SEC61A2: variants seen among roughly 807,000 people sequenced by gnomAD.
The protein encoded by SEC61A2 is protein transport protein Sec61 subunit alpha isoform 2.
In SEC61A2, 28 loss-of-function variants were observed where a neutral mutation model predicts 59.9. The ratio of observed to expected loss-of-function variants is 0.47; its 90% confidence interval spans 0.35 to 0.64. The LOEUF is 0.64. Among genes scored for constraint, SEC61A2 ranks in the 30% least tolerant of loss-of-function variants. The pLI, the probability that SEC61A2 is intolerant of heterozygous loss-of-function variation, is 0.01. For synonymous variants in SEC61A2, 202 were observed against 214.4 expected, an observed-to-expected ratio of 0.94 and a Z score of 0.50; for missense variants, 340 against 585.9, an observed-to-expected ratio of 0.58 and a Z score of 4.33.
intron 2 of SEC61A2, among the ~76,000 whole-genome samples, chr10:12,134,428 A>G (rs1232167686): frequency 6.6e-6 from 1 of 152,202 alleles, no homozygotes; most frequent in African/African-American, 2.4e-5. Flanking sequence ...CAGCAGGCCC[A>G]CCTTCGCACA....
intron 3 of SEC61A2, among the ~76,000 whole-genome samples, chr10:12,137,242 A>G (rs917920808): frequency 6.6e-6 from 1 of 152,194 alleles, no homozygotes; most frequent in Non-Finnish European, 1.5e-5. Context: ...GGGTCAAGCT[A>G]AAACCAAATT....
At chr10:12,135,538 G>A (rs993987901) in intron 2 of SEC61A2, among the ~76,000 whole-genome samples, 1 of 152,098 alleles carries the variant, frequency 6.6e-6, no homozygotes, top group African/African-American at 2.4e-5. Flanking sequence ...TGAAGTCTGG[G>A]CTTTGAGTGT....
In SEC61A2 at chr10:12,158,478, C is replaced by T. The variant is rs186063815; in HGVS notation, c.975+373C>T. ...GGGTGCGGTGGCTCACTCCTGTAAT[C>T]CCAGGACTTTGGGAGGCTGAGGTGG... On this transcript the variant is annotated intron_variant, in intron 9 of 11. Transcript: ENST00000298428. This position sits in a 1 kb window ranked among gnomAD's most constrained non-coding sequence, Gnocchi z 5.7. Among the ~76,000 whole-genome samples, 112 of 152,244 alleles carry T rather than the reference C, an allele frequency of 7.4e-4. No individual in the cohort carries two copies. Among genetic ancestry groups the T allele is most frequent in the African/African-American group, 2.6e-3 (109 of 41,536 alleles).
In SEC61A2 at chr10:12,155,166, A is replaced by G. The variant is rs1410297945; in HGVS notation, c.463-612A>G. On this transcript the variant is annotated intron_variant, in intron 6 of 11. Coordinates refer to ENST00000298428, the MANE Select transcript of SEC61A2 (RefSeq NM_018144.4). This position sits in a 1 kb window ranked among gnomAD's most constrained non-coding sequence, Gnocchi z 4.3. ...CTTAACCGTCTTCAAATTTACATTC[A>G]ATCTTTGTCACTATGTGTATAGAAT... The G allele has an allele frequency of 6.9e-6, 3 of 436,206 alleles. No individual in the cohort carries two copies. Among genetic ancestry groups the G allele is most frequent in the Non-Finnish European group, 1.1e-5 (3 of 267,794 alleles). 27.0% of individuals were successfully genotyped at this position (436,206 alleles called of 1,614,324 possible).
At chr10:12,131,530 A>C (rs1833736839) in intron 1 of SEC61A2, among the ~76,000 whole-genome samples, 1 of 152,082 alleles carries the variant, frequency 6.6e-6, no homozygotes, top group African/African-American at 2.4e-5. Flanking sequence ...TATATGTTAT[A>C]AGAGTAGTCT....
At chr10:12,144,717 A>G (rs889383699) in intron 4 of SEC61A2, among the ~76,000 whole-genome samples, 16 of 152,168 alleles carry the variant, frequency 1.1e-4, no homozygotes, top group African/African-American at 3.6e-4. Flanking sequence ...GAGCCAGTGC[A>G]AAGGCCCTGA....
intron 2 of SEC61A2, among the ~76,000 whole-genome samples, chr10:12,133,850 G>GTT (rs1215133482): frequency 6.6e-6 from 1 of 152,188 alleles, no homozygotes; most frequent in East Asian, 1.9e-4. Flanking sequence ...AACTTTCAGA[G>GTT]TTCAGGTATT....
At chr10:12,166,265 A>C (rs1315948682), downstream of SEC61A2, 1 of 153,358 alleles carries the variant, frequency 6.5e-6, no homozygotes, top group African/African-American at 2.4e-5. Flanking sequence ...CTTGATTTCA[A>C]TGATTGATAG....
In SEC61A2 at chr10:12,154,543, G is replaced by A. The variant is rs1474393642; in HGVS notation, c.463-1235G>A. 6.6e-6 allele frequency among the ~76,000 whole-genome samples: 1 copy of A among 152,210 alleles called. No individual in the cohort carries two copies. The highest frequency in any genetic ancestry group is 1.5e-5 in the Non-Finnish European group (1 of 68,040). On this transcript the variant is annotated intron_variant, in intron 6 of 11. Coordinates refer to ENST00000298428, the MANE Select transcript of SEC61A2 (RefSeq NM_018144.4). The surrounding 1 kb of genome is among the most constrained non-coding windows in gnomAD (Gnocchi z 5.2). ...TGATTGTGGTTAAATAGAATCGGTA[G>A]TAAGTCCTAACCTCTACATTATTTT...
intron 1 of SEC61A2, among the ~76,000 whole-genome samples, chr10:12,132,868 C>T (rs987442304): frequency 6.6e-6 from 1 of 152,130 alleles, no homozygotes; most frequent in Non-Finnish European, 1.5e-5. Flanking sequence ...TTTGAACAGC[C>T]CCCTTTTTGT....
At chr10:12,166,865 T>C, downstream of SEC61A2, 1 of 414,732 alleles carries the variant, frequency 2.4e-6, no homozygotes, top group South Asian at 1.8e-5. Flanking sequence ...TCTGTACTTC[T>C]TGCTGTGAAC....
In SEC61A2 at chr10:12,143,075, T is replaced by C. The variant is rs1445855069; in HGVS notation, c.142-42T>C. 1 of 1,479,806 alleles carries C rather than the reference T, an allele frequency of 6.8e-7. No homozygotes were observed. The highest frequency in any genetic ancestry group is 1.1e-5 in the South Asian group (1 of 88,328). The allele number at this position is 1,479,806 out of a possible 1,614,324, so 91.7% of individuals were successfully genotyped here. On this transcript the variant is annotated intron_variant, in intron 3 of 11. Coordinates refer to ENST00000298428, the MANE Select transcript of SEC61A2 (RefSeq NM_018144.4). This position sits in a 1 kb window ranked among gnomAD's most constrained non-coding sequence, Gnocchi z 4.8. ...TCAAGCGATTCTTATGCCTCAGCCTTATATAATACAGTTTCATAAACTATT... is the reference window on the plus strand; with the variant it reads ...TCAAGCGATTCTTATGCCTCAGCCTCATATAATACAGTTTCATAAACTATT...
At chr10:12,157,815 A>G in intron 8 of SEC61A2, 93 bp from the exon 9 acceptor site, 2 of 1,203,764 alleles carry the variant, frequency 1.7e-6, no homozygotes, top group Non-Finnish European at 2.4e-6. Flanking sequence ...TTGTCTTTTC[A>G]TCCCCCGCAC....
At chr10:12,169,906 T>G (rs554785750), downstream of SEC61A2, 8 of 481,168 alleles carry the variant, frequency 1.7e-5, no homozygotes, top group African/African-American at 1.6e-4. The surrounding 1 kb of genome is among the most constrained non-coding windows in gnomAD (Gnocchi z 4.8). Flanking sequence ...AGTAGAAAAA[T>G]CAGTTATCAA....
chr10:12,140,417 C>T (rs1434059151), intron 3 of SEC61A2, among the ~76,000 whole-genome samples: 1 of 152,166 alleles, frequency 6.6e-6, no homozygotes, highest in Non-Finnish European at 1.5e-5. Context: ...TGTTGTTGTA[C>T]ATGATCCTCT....
rs749521771 is a variant in SEC61A2 at position 12,153,819 on chromosome 10, G to A, written c.463-1959G>A. 4 of 1,595,828 alleles carry A rather than the reference G, an allele frequency of 2.5e-6. No individual in the cohort carries two copies. The highest frequency in any genetic ancestry group is 3.4e-6 in the Non-Finnish European group (4 of 1,172,564). ...TGTTTCACCCAGAAACATAGGTTTT[G>A]AAAACTGTTTGCATGCCGTTGTGGA... On this transcript the variant is annotated intron_variant, in intron 6 of 11. Coordinates refer to ENST00000298428, the MANE Select transcript of SEC61A2 (RefSeq NM_018144.4). The surrounding 1 kb of genome is among the most constrained non-coding windows in gnomAD (Gnocchi z 5.2).
intron 6 of SEC61A2, among the ~76,000 whole-genome samples, chr10:12,151,471 C>G (rs937831920): frequency 6.6e-6 from 1 of 150,504 alleles, no homozygotes; most frequent in Non-Finnish European, 1.5e-5. Context: ...GCCACCATGC[C>G]TACCTAATTT....
intron 4 of SEC61A2, among the ~76,000 whole-genome samples, chr10:12,146,603 C>T (rs1363816301): frequency 3.3e-5 from 5 of 151,816 alleles, no homozygotes; most frequent in South Asian, 2.1e-4. Context: ...CTGCAAGCTC[C>T]GCCTCCCGGG....
Position 12,165,064 on chromosome 10 carries a change from C to G in SEC61A2, c.*610C>G. 1 of 987,344 alleles carries G rather than the reference C, an allele frequency of 1.0e-6. No individual in the cohort carries two copies. Among genetic ancestry groups the G allele is most frequent in the Non-Finnish European group, 1.2e-6 (1 of 830,674 alleles). 61.2% of individuals were successfully genotyped at this position (987,344 alleles called of 1,614,324 possible). ...CCTCCTCCTTCTCCTCCTCCTCTTCCTCTTCCTCCTTTTCCTTCTCCTCCT... is the reference window on the plus strand; with the variant it reads ...CCTCCTCCTTCTCCTCCTCCTCTTCGTCTTCCTCCTTTTCCTTCTCCTCCT... On this transcript the variant is annotated 3_prime_UTR_variant, in exon 12 of 12. Coordinates refer to ENST00000298428, the MANE Select transcript of SEC61A2 (RefSeq NM_018144.4).
Sources: gnomAD v4.1 joint callset for allele counts (sites outside exome capture counted in the v4.1 genomes callset) on GRCh38, gnomAD v4.1.1 for gene constraint, Gnocchi (gnomAD v3.1) non-coding constraint, MANE v1.5 for transcripts, NCBI Gene and HGNC (gene_info 2026-07-23, HGNC 2026-07-21) for gene names.